The following CDK11B variants were observed in gnomAD, a reference collection of about 807,000 sequenced individuals.
CDK11B encodes cyclin dependent kinase 11B.
In CDK11B, 37 loss-of-function variants were observed where a neutral mutation model predicts 84.0. The ratio of observed to expected loss-of-function variants is 0.44; its 90% confidence interval spans 0.34 to 0.58. CDK11B has a LOEUF of 0.58. Ranked by LOEUF, CDK11B falls within the 20% of genes least tolerant of loss-of-function variation. The pLI is 0.02. For synonymous variants in CDK11B, 269 were observed against 309.8 expected (o/e 0.87, Z 1.38); for missense variants, 427 against 834.0 (o/e 0.51, Z 6.01).
At position 1,637,134 on chromosome 1, in the gene CDK11B, G is replaced by A; in HGVS notation, c.1639C>T (p.His547Tyr). 6.2e-7 allele frequency: 1 copy of A among 1,613,728 alleles called. No individual in the cohort carries two copies. Reference protein sequence around the residue: ...VKHLHDNWILHRDLKTSNLLL... With the variant: ...VKHLHDNWILYRDLKTSNLLL... ...AGGTTGGACGTCTTGAGGTCACGGT[G>A]CAGGATCCAGTTGTCGTGCAGGTGT... is the stretch of plus-strand genomic sequence containing the variant. Residue 547 changes from histidine to tyrosine, a missense_variant, in exon 15 of 20, where the codon CAC becomes TAC. By Grantham distance (83) the His-to-Tyr change is moderately conservative. Around this residue, in one of 12 missense-constraint regions of CDK11B, gnomAD observed 13 missense variants for 42.2 expected, o/e 0.31. Transcript: ENST00000341832.
rs1376736754 is a variant in CDK11B at position 1,650,044 on chromosome 1, T to A, written c.356-407A>T. Among the ~76,000 whole-genome samples, 65 of 146,392 alleles carry A rather than the reference T, an allele frequency of 4.4e-4. 1 individual carries two copies. The highest frequency in any genetic ancestry group is 1.4e-3 in the Admixed American group (21 of 14,662). ...ATTCCAGCACTCTGGGAGGCCGAGG[T>A]GGGCGGATCACAAGGTCAGATCGGG... is the stretch of plus-strand genomic sequence containing the variant. On this transcript the variant is annotated intron_variant, in intron 4 of 19. Transcript: ENST00000341832.
In CDK11B at chr1:1,649,924, C is replaced by T. The variant is rs1367795347; in HGVS notation, c.356-287G>A. ...CCGGGAGGCGGAGGTTGCAGTGAGC[C>T]GAGATCACGCCACTGCACTACAGCC... On this transcript the variant is annotated intron_variant, in intron 4 of 19. Coordinates refer to ENST00000341832, the MANE Select transcript of CDK11B (RefSeq NM_033486.3). Among the ~76,000 whole-genome samples the T allele has an allele frequency of 1.3e-4, 18 of 142,396 alleles. 1 individual carries two copies. The highest frequency in any genetic ancestry group is 2.0e-4 in the East Asian group (1 of 4,918). The allele number at this position is 142,396 out of a possible 152,430, so 93.4% of individuals were successfully genotyped here. A position where few individuals can be genotyped will look rare whatever the true frequency, so the allele number is the denominator to read the frequency against.
At chr1:1,653,614 C>T (rs142829249) in intron 3 of CDK11B, among the ~76,000 whole-genome samples, 4 of 151,972 alleles carry the variant, frequency 2.6e-5, no homozygotes, top group African/African-American at 9.7e-5. Flanking sequence ...AGCTACTGCA[C>T]CCAGCCATTC....
Position 1,636,784 on chromosome 1 carries a change from G to T in CDK11B, c.1815C>A (p.Ala605=), listed in dbSNP as rs1255765989. The change falls in exon 17 of 20, where the codon GCC becomes GCA. Residue 605 remains alanine, a synonymous_variant. Transcript: ENST00000341832. ...LLLGAKEYST[A]VDMWSVGCIF... Reference sequence around the variant, plus strand: ...TGCAACCCACTGACCACATGTCCACGGCCGTGGAGTATTCCTAAGAGGTCA... The same window carrying T: ...TGCAACCCACTGACCACATGTCCACTGCCGTGGAGTATTCCTAAGAGGTCA... The T allele has an allele frequency of 1.2e-6, 2 of 1,613,764 alleles. No individual in the cohort carries two copies. The highest frequency in any genetic ancestry group is 2.7e-5 in the African/African-American group (2 of 74,910).
chr1:1,637,046 T>C (rs1435403734), intron 15 of CDK11B, 35 bp downstream of exon 15: 1 of 1,612,934 alleles, frequency 6.2e-7, no homozygotes, highest in Non-Finnish European at 8.5e-7. Context: ...CCCCGGCAGG[T>C]CTCCCTGGGA....
At chr1:1,657,055 A>C (rs1366280757) in intron 2 of CDK11B, among the ~76,000 whole-genome samples, 3 of 150,838 alleles carry the variant, frequency 2.0e-5, no homozygotes, top group African/African-American at 7.4e-5. Flanking sequence ...CACTATATTA[A>C]AAATACTTAG....
intron 5 of CDK11B, among the ~76,000 whole-genome samples, chr1:1,648,419 C>CCT (rs1314162834): frequency 1.3e-5 from 2 of 152,142 alleles, no homozygotes; most frequent in Admixed American, 6.5e-5. Flanking sequence ...GACCCCTGGG[C>CCT]CTCAGTGTCT....
chr1:1,648,483 C>G (rs1405078803), intron 5 of CDK11B, among the ~76,000 whole-genome samples: 2 of 150,870 alleles, frequency 1.3e-5, no homozygotes, highest in Non-Finnish European at 2.9e-5. Context: ...TCTTTACATG[C>G]TGTGTACCCA....
rs1225137379 is a variant in CDK11B, at chr1:1,651,570, A to T, written c.355+869T>A. On this transcript the variant is annotated intron_variant, in intron 4 of 19. Transcript: ENST00000341832. The stretch of plus-strand genomic sequence containing the variant: ...TGGTCTGTGACACACGCATGCTTTC[A>T]GCTGGAGTTTGCTCTCTCTGGTTTT... 6.5e-4 allele frequency among the ~76,000 whole-genome samples: 98 copies of T among 151,368 alleles called. 1 individual carries two copies. The highest frequency in any genetic ancestry group is 2.4e-3 in the African/African-American group (97 of 40,910).
At chr1:1,654,872 A>G (rs865928611) in intron 3 of CDK11B, among the ~76,000 whole-genome samples, 1 of 149,026 alleles carries the variant, frequency 6.7e-6, no homozygotes, top group South Asian at 2.2e-4. Context: ...GTTAGCCAGG[A>G]TGGTCTTGAT....
intron 2 of CDK11B, among the ~76,000 whole-genome samples, chr1:1,655,986 CAT>C (rs1557726235): frequency 6.6e-6 from 1 of 152,160 alleles, no homozygotes; most frequent in African/African-American, 2.4e-5. Flanking sequence ...TTAAAAATAG[CAT>C]ATATGACAAG....
At chr1:1,657,991 G>T (rs1642999871) in intron 1 of CDK11B, among the ~76,000 whole-genome samples, 2 of 150,018 alleles carry the variant, frequency 1.3e-5, no homozygotes, top group South Asian at 4.2e-4. Flanking sequence ...TGGCCAACAC[G>T]GCGAAAACCC....
At chr1:1,637,297 A>G (rs893305561) in intron 14 of CDK11B, 95 bp from the exon 15 acceptor site, 2 of 1,571,896 alleles carry the variant, frequency 1.3e-6, no homozygotes, top group East Asian at 2.4e-5. Context: ...GAGGCTTCTC[A>G]GGGCTTTCCC....
intron 5 of CDK11B, among the ~76,000 whole-genome samples, chr1:1,649,122 C>T (rs541470735): frequency 1.1e-4 from 16 of 151,320 alleles, no homozygotes; most frequent in Admixed American, 2.0e-4. Flanking sequence ...TTTTTTGAGA[C>T]GGAGTCTCGC....
chr1:1,639,906 G>A (rs1234122092), intron 11 of CDK11B, among the ~76,000 whole-genome samples: 1 of 151,676 alleles, frequency 6.6e-6, no homozygotes, highest in Admixed American at 6.6e-5. Context: ...CACAGATGCC[G>A]GTAACAAGGC....
At position 1,654,471 on chromosome 1, in the gene CDK11B, C is replaced by T. The variant is rs143880677; in HGVS notation, c.227+898G>A. Among the ~76,000 whole-genome samples, 135 of 151,686 alleles carry T rather than the reference C, an allele frequency of 8.9e-4. 1 individual carries two copies. Among genetic ancestry groups the T allele is most frequent in the African/African-American group, 3.0e-3 (123 of 41,284 alleles). Reference sequence around the variant, plus strand: ...TTCTTTTTTTTATTTTGTGTAGAGACGAGGTCTCCCTGTGTTGCCCAGGCT... The same window carrying T: ...TTCTTTTTTTTATTTTGTGTAGAGATGAGGTCTCCCTGTGTTGCCCAGGCT... On this transcript the variant is annotated intron_variant, in intron 3 of 19. Coordinates refer to ENST00000341832, the MANE Select transcript of CDK11B (RefSeq NM_033486.3).
chr1:1,648,148 T>C (rs1212586943), intron 5 of CDK11B, among the ~76,000 whole-genome samples: 2 of 152,262 alleles, frequency 1.3e-5, no homozygotes, highest in African/African-American at 4.8e-5. Flanking sequence ...CAGTTCTGGA[T>C]TGGCTGATCT....
chr1:1,654,814 A>T (rs1427972581), intron 3 of CDK11B, among the ~76,000 whole-genome samples: 4 of 151,292 alleles, frequency 2.6e-5, no homozygotes, highest in Non-Finnish European at 5.9e-5. Flanking sequence ...GCCTGCCACC[A>T]CGCCCGGCTA....
rs758937144 is a variant in CDK11B, at chr1:1,637,528, T to C, written c.1465-15A>G. The C allele has an allele frequency of 2.5e-6, 4 of 1,612,334 alleles. No homozygotes were observed. The highest frequency in any genetic ancestry group is 1.1e-5 in the South Asian group (1 of 90,884). On this transcript the variant is annotated splice_polypyrimidine_tract_variant and intron_variant, in intron 13 of 19. Coordinates refer to ENST00000341832, the MANE Select transcript of CDK11B (RefSeq NM_033486.3). ...ACCACAATCTCCTGCAGGGCACGGC[T>C]CTGTGGGTGCTGGGCACCTCCAGGC...
Sources: gnomAD v4.1 joint callset for allele counts (sites outside exome capture counted in the v4.1 genomes callset) on GRCh38, gnomAD v4.1.1 for gene constraint, gnomAD v4.1.1 regional missense constraint, MANE v1.5 for transcripts, NCBI Gene and HGNC (gene_info 2026-07-23, HGNC 2026-07-21) for gene names.